The following CHD7 variants were observed in gnomAD, a reference collection of about 807,000 sequenced individuals.
The protein encoded by CHD7 is chromodomain helicase DNA binding protein 7.
A neutral mutation model predicts 307.3 loss-of-function variants in CHD7; 24 were observed. The observed-to-expected ratio is 0.08, with a 90% CI of 0.06 to 0.11. CHD7 has a LOEUF of 0.11. CHD7 is among the 10% of genes least tolerant of loss of function. The probability of loss-of-function intolerance (pLI) is 1.00; values close to 1 mark genes in which losing one functional copy is unlikely to be tolerated. For missense variants in CHD7, 3,106 were observed against 3,727.1 expected (o/e 0.83, Z 4.34); for synonymous variants, 1,363 against 1,349.9 (o/e 1.01, Z -0.21).
At chr8:60,741,109 A>G (rs1808976662) in intron 1 of CHD7, 150 bp from the exon 2 acceptor site, 2 of 309,840 alleles carry the variant, frequency 6.5e-6, no homozygotes, top group African/African-American at 2.1e-5. Context: ...AAAGTGAACT[A>G]AATTTATAAA....
At chr8:60,851,475 G>T (rs1018576845) in intron 28 of CHD7, among the ~76,000 whole-genome samples, 156 bp downstream of exon 28, 1 of 152,126 alleles carries the variant, frequency 6.6e-6, no homozygotes, top group Non-Finnish European at 1.5e-5. Context: ...TCTTGTTAAT[G>T]GCTGTGTTTT....
intron 3 of CHD7, among the ~76,000 whole-genome samples, chr8:60,789,783 C>G (rs1490462758): frequency 1.3e-5 from 2 of 152,244 alleles, no homozygotes; most frequent in African/African-American, 4.8e-5. Context: ...GGTAATAGCA[C>G]TAGGCCGTCC....
chr8:60,744,251 T>A (rs994296091), intron 2 of CHD7, among the ~76,000 whole-genome samples: 5 of 152,130 alleles, frequency 3.3e-5, no homozygotes, highest in African/African-American at 1.2e-4. Context: ...GATCTTGGAT[T>A]CCTTTTTAAG....
chr8:60,819,663 G>A (rs1185121156), intron 8 of CHD7, among the ~76,000 whole-genome samples: 1 of 152,206 alleles, frequency 6.6e-6, no homozygotes, highest in Non-Finnish European at 1.5e-5. Flanking sequence ...ATTGCAAACT[G>A]TAGTTTCGAG....
At chr8:60,724,112 C>T (rs995938728) in intron 1 of CHD7, among the ~76,000 whole-genome samples, 1 of 152,202 alleles carries the variant, frequency 6.6e-6, no homozygotes, top group African/African-American at 2.4e-5. Flanking sequence ...ATTCTAGAGG[C>T]ATGACAGCAG....
chr8:60,716,891 T>C (rs1273923487), intron 1 of CHD7, among the ~76,000 whole-genome samples: 2 of 152,238 alleles, frequency 1.3e-5, no homozygotes, highest in African/African-American at 4.8e-5. Context: ...TGGCATAGTA[T>C]AGCCGATGAA....
intron 1 of CHD7, among the ~76,000 whole-genome samples, chr8:60,734,543 A>G (rs150025193): frequency 6.6e-6 from 1 of 152,330 alleles, no homozygotes; most frequent in Non-Finnish European, 1.5e-5. Context: ...AAGCTTCCGA[A>G]GATGGGTGAT....
chr8:60,821,225 C>T lies in CHD7; in HGVS notation c.2698-565C>T, dbSNP rs187898999. Among the ~76,000 whole-genome samples the T allele has an allele frequency of 1.5e-3, 230 of 152,242 alleles. 1 individual carries two copies. The highest frequency in any genetic ancestry group is 3.4e-3 in the Middle Eastern group (1 of 294). On this transcript the variant is annotated intron_variant, in intron 9 of 37. Coordinates refer to ENST00000423902, the MANE Select transcript of CHD7 (RefSeq NM_017780.4). The stretch of plus-strand genomic sequence containing the variant: ...ATTTACCATGTAAGTCTGAATCAAA[C>T]TCCTGATGAAAGATTTGTACAGATA...
rs541863937 is a variant in CHD7, at chr8:60,800,414, G to A, written c.2265G>A (p.Lys755=). 2.5e-6 allele frequency: 4 copies of A among 1,613,764 alleles called. No homozygotes were observed. In the African/African-American group the frequency reaches 4.0e-5, roughly 16 times the overall value. ...VQKRRSSRQV[K]RKRYTEDLEF... ...AGAGACGGTCCAGCAGACAGGTGAA[G>A]AGAAAGCGCTACACTGAAGACCTGG... The change falls in exon 5 of 38, where the codon AAG becomes AAA. Residue 755 remains lysine (K), a synonymous_variant. Transcript: ENST00000423902.
At chr8:60,815,245 T>C (rs1171913258) in intron 7 of CHD7, among the ~76,000 whole-genome samples, 4 of 152,208 alleles carry the variant, frequency 2.6e-5, no homozygotes, top group Non-Finnish European at 5.9e-5. Flanking sequence ...ATTTCCTATA[T>C]CATGAATCAT....
intron 13 of CHD7, among the ~76,000 whole-genome samples, chr8:60,826,527 G>A (rs975000626): frequency 1.3e-5 from 2 of 152,138 alleles, no homozygotes; most frequent in East Asian, 1.9e-4. Flanking sequence ...ATCCAACTAC[G>A]GCACAGGCCA....
chr8:60,813,038 CAAT>C (rs1376829171), intron 7 of CHD7, among the ~76,000 whole-genome samples: 4 of 152,108 alleles, frequency 2.6e-5, no homozygotes, highest in African/African-American at 9.7e-5. Context: ...CACAGTGTGA[CAAT>C]GATGTCTTTT....
intron 2 of CHD7, among the ~76,000 whole-genome samples, chr8:60,776,001 C>G (rs943617904): frequency 3.3e-5 from 5 of 152,204 alleles, no homozygotes; most frequent in African/African-American, 1.2e-4. Context: ...CTCAGGTGAT[C>G]TGCCTGCCTT....
intron 2 of CHD7, among the ~76,000 whole-genome samples, chr8:60,752,088 G>A (rs1299027092): frequency 6.6e-6 from 1 of 152,136 alleles, no homozygotes; most frequent in Non-Finnish European, 1.5e-5. Context: ...ACTGCTTTCT[G>A]TGTTTAGTTC....
chr8:60,862,705 C>T, intron 37 of CHD7, 53 bp downstream of exon 37: 1 of 1,246,358 alleles, frequency 8.0e-7, no homozygotes, highest in Non-Finnish European at 1.1e-6. Flanking sequence ...AAACTGTTTT[C>T]CTTAGTCTTT....
Position 60,751,748 on chromosome 8 carries a change from G to A in CHD7, c.1665+8651G>A, listed in dbSNP as rs563181903. On this transcript the variant is annotated intron_variant, in intron 2 of 37. Transcript: ENST00000423902. Reference sequence around the variant, plus strand: ...GTAAAAAATGGAGGAGAACCTTCGAGGGCTAGGACATGACTGCAGGAGTGG... The same window carrying A: ...GTAAAAAATGGAGGAGAACCTTCGAAGGCTAGGACATGACTGCAGGAGTGG... 4.7e-4 allele frequency among the ~76,000 whole-genome samples: 72 copies of A among 152,312 alleles called. 1 individual carries two copies. The highest frequency in any genetic ancestry group is 1.6e-3 in the Admixed American group (25 of 15,308).
At chr8:60,716,685 T>G (rs1807619492) in intron 1 of CHD7, among the ~76,000 whole-genome samples, 1 of 152,260 alleles carries the variant, frequency 6.6e-6, no homozygotes, top group African/African-American at 2.4e-5. Context: ...ATTTATTTTG[T>G]TTGACTCTCT....
At chr8:60,800,627 C>A in intron 5 of CHD7, 102 bp downstream of exon 5, 2 of 1,154,492 alleles carry the variant, frequency 1.7e-6, no homozygotes, top group Non-Finnish European at 2.4e-6. Flanking sequence ...GGACTTTCAG[C>A]AGGGGAACAT....
chr8:60,801,547 G>C lies in CHD7; in HGVS notation c.2396G>C (p.Gly799Ala). The C allele has an allele frequency of 6.4e-7, 1 of 1,574,388 alleles. No individual in the cohort carries two copies. The highest frequency in any genetic ancestry group is 1.2e-5 in the South Asian group (1 of 85,528). Reference protein sequence around the residue: ...SEQQESVDAEGPVVEKIMSSR... With the variant: ...SEQQESVDAEAPVVEKIMSSR... ...TTTTAGGAATCTGTTGATGCAGAAGGCCCAGTGGTAGAAAAAATTATGAGC... is the reference window on the plus strand; with the variant it reads ...TTTTAGGAATCTGTTGATGCAGAAGCCCCAGTGGTAGAAAAAATTATGAGC... Residue 799 changes from glycine to alanine, a missense_variant, in exon 6 of 38, where the codon GGC (glycine) becomes GCC (alanine). Physicochemically the swap from Gly to Ala is moderately conservative, Grantham distance 60 (BLOSUM62 0). This residue lies in a region of CHD7 where 998 missense variants were observed against 1,004.5 expected (regional missense o/e 0.99). Coordinates refer to ENST00000423902, the MANE Select transcript of CHD7 (RefSeq NM_017780.4).
Sources: gnomAD v4.1 joint callset for allele counts (sites outside exome capture counted in the v4.1 genomes callset) on GRCh38, gnomAD v4.1.1 for gene constraint, gnomAD v4.1.1 regional missense constraint, MANE v1.5 for transcripts, NCBI Gene and HGNC (gene_info 2026-07-23, HGNC 2026-07-21) for gene names.